SNX19: variants seen among roughly 807,000 people sequenced by gnomAD.
SNX19 encodes the protein sorting nexin-19.
Under a neutral mutation model 85.2 loss-of-function variants are expected in SNX19, and 60 were observed. That is an observed-to-expected ratio of 0.70 (90% CI 0.57 to 0.87). The LOEUF is 0.87. Ranked by LOEUF, SNX19 falls within the 40% of genes least tolerant of loss-of-function variation. The pLI, the probability that SNX19 is intolerant of heterozygous loss-of-function variation, is 0.00. For missense variants in SNX19, 1,201 were observed against 1,217.8 expected (o/e 0.99, Z 0.21); for synonymous variants, 520 against 470.0 (o/e 1.11, Z -1.38).
chr11:130,911,800 A>G (rs374816115), intron 1 of SNX19, 29 bp from the exon 2 acceptor site: 3 of 1,608,358 alleles, frequency 1.9e-6, no homozygotes, highest in African/African-American at 2.7e-5. Context: ...GATTGACTCA[A>G]TCAGCCGGGT....
intron 8 of SNX19, chr11:130,895,235 C>T: frequency 1.0e-6 from 1 of 985,432 alleles, no homozygotes; most frequent in Non-Finnish European, 1.2e-6. Context: ...CGTACCATGG[C>T]TCTGGGAATC....
chr11:130,908,897 C>T (rs1269128674), intron 4 of SNX19, among the ~76,000 whole-genome samples: 3 of 152,208 alleles, frequency 2.0e-5, no homozygotes, highest in Non-Finnish European at 4.4e-5. Flanking sequence ...CAGAGCAGCA[C>T]CATGCCTTCT....
intron 2 of SNX19, among the ~76,000 whole-genome samples, chr11:130,910,932 C>T (rs1157430321): frequency 1.3e-5 from 2 of 152,194 alleles, no homozygotes; most frequent in Admixed American, 6.5e-5. Context: ...TAGTAGCTCA[C>T]ATCTGTAATC....
chr11:130,873,898 A>C lies in SNX19; in HGVS notation c.*4524T>G, dbSNP rs1943119743. 6.6e-6 allele frequency among the ~76,000 whole-genome samples: 1 copy of C among 152,162 alleles called. No homozygotes were observed. The highest frequency in any genetic ancestry group is 1.5e-5 in the Non-Finnish European group (1 of 68,024). On this transcript the variant is annotated 3_prime_UTR_variant, in exon 11 of 11. Coordinates refer to ENST00000265909, the MANE Select transcript of SNX19 (RefSeq NM_014758.3). ...CATCAATTATTTCTGTAGATATCTG[A>C]CCTTCATGGAAGATGACCTCATCTC...
rs1016403444 is a variant in SNX19, at chr11:130,872,341, C to T, written c.*6081G>A. ...CTGCGGGTGCCCAAATTTCCCCCAC[C>T]GCTTCACGGTGGCCTTGGCTTTACA... On this transcript the variant is annotated 3_prime_UTR_variant, in exon 11 of 11. Coordinates refer to ENST00000265909, the MANE Select transcript of SNX19 (RefSeq NM_014758.3). 5.9e-5 allele frequency among the ~76,000 whole-genome samples: 9 copies of T among 152,234 alleles called. No homozygotes were observed. The highest frequency in any genetic ancestry group is 3.9e-4 in the East Asian group (2 of 5,182).
intron 1 of SNX19, among the ~76,000 whole-genome samples, chr11:130,912,895 G>C (rs1946248864): frequency 6.6e-6 from 1 of 152,112 alleles, no homozygotes; most frequent in Non-Finnish European, 1.5e-5. Flanking sequence ...TTTACTATCA[G>C]AAAGTATAAT....
rs191721659 is a variant in SNX19, at chr11:130,885,515, T to C, written c.2574-4709A>G. The stretch of plus-strand genomic sequence containing the variant: ...GTCTAATCCAATTAGCCAAATCCCC[T>C]TCATTTCTTTTCTAAGACAGCAGCT... On this transcript the variant is annotated intron_variant, in intron 8 of 10. Transcript: ENST00000265909. Among the ~76,000 whole-genome samples, 8 of 152,344 alleles carry C rather than the reference T, an allele frequency of 5.3e-5. No homozygotes were observed. The East Asian group carries it at 1.5e-3, about 29-fold the overall frequency.
intron 8 of SNX19, among the ~76,000 whole-genome samples, chr11:130,887,622 C>T (rs567639889): frequency 2.0e-5 from 3 of 152,312 alleles, no homozygotes; most frequent in South Asian, 4.2e-4. Context: ...CTTGCCAACC[C>T]AAATCGGCCT....
rs367568506 is a variant in SNX19, at chr11:130,915,160, G to T, written c.780C>A (p.Ile260=). ...LISRLSDPDW[I]HLVLVGIFSK... is the part of the protein sequence containing the mutation. ...AAAAGATACCCACGAGTACAAGGTG[G>T]ATCCAGTCAGGATCTGACAGCCTGC... Residue 260 remains isoleucine (I), a synonymous_variant, in exon 1 of 11, where the codon ATC becomes ATA. Transcript: ENST00000265909. 2 of 1,614,170 alleles carry T rather than the reference G, an allele frequency of 1.2e-6. No individual in the cohort carries two copies. The highest frequency in any genetic ancestry group is 1.3e-5 in the African/African-American group (1 of 75,054).
chr11:130,903,690 T>C (rs1945427716), intron 7 of SNX19, among the ~76,000 whole-genome samples: 1 of 138,416 alleles, frequency 7.2e-6, no homozygotes, highest in South Asian at 2.3e-4. Flanking sequence ...TATGTGTGTA[T>C]ATATACATAT....
intron 5 of SNX19, 139 bp downstream of exon 5, chr11:130,907,814 G>T: frequency 7.6e-7 from 1 of 1,315,858 alleles, no homozygotes; most frequent in Non-Finnish European, 1.0e-6. Context: ...GGAGCCTGGG[G>T]TCTAGCTTTG....
intron 5 of SNX19, 52 bp downstream of exon 5, chr11:130,907,901 G>T: frequency 6.2e-7 from 1 of 1,605,342 alleles, no homozygotes; most frequent in Non-Finnish European, 8.5e-7. Flanking sequence ...TGAGGATTGG[G>T]GATCAATTTG....
At chr11:130,904,710 T>TA (rs55739778) in intron 7 of SNX19, among the ~76,000 whole-genome samples, 9 of 151,634 alleles carry the variant, frequency 5.9e-5, no homozygotes, top group Admixed American at 1.3e-4. Context: ...TTTTGTTTTT[T>TA]ATAATCATAT....
At chr11:130,884,725 C>G (rs1943925943) in intron 8 of SNX19, among the ~76,000 whole-genome samples, 1 of 151,946 alleles carries the variant, frequency 6.6e-6, no homozygotes, top group Admixed American at 6.6e-5. Flanking sequence ...AAAAAATTAG[C>G]TGGGCACGGT....
Position 130,916,142 on chromosome 11 carries a change from G to GGT in SNX19, c.-204_-203insAC. The GGT allele has an allele frequency of 1.7e-6, 1 of 589,978 alleles. No homozygotes were observed. The highest frequency in any genetic ancestry group is 3.0e-6 in the Non-Finnish European group (1 of 332,612). 36.5% of individuals were successfully genotyped at this position (589,978 alleles called of 1,614,324 possible). ...CGTCTCCCCATGGCTACCACTAACAGAGCCCTCCAACTCGCCCCTTCCAGC... is the reference window on the plus strand; with the variant it reads ...CGTCTCCCCATGGCTACCACTAACAGGTAGCCCTCCAACTCGCCCCTTCCAGC... On this transcript the variant is annotated 5_prime_UTR_variant, in exon 1 of 11. Transcript: ENST00000265909.
chr11:130,904,002 T>C (rs553322432), intron 7 of SNX19, among the ~76,000 whole-genome samples: 16 of 152,314 alleles, frequency 1.1e-4, no homozygotes, highest in Middle Eastern at 3.4e-3. Context: ...TTCAGGAGGC[T>C]TCAGTCTGAT....
chr11:130,887,123 TTGACATTCTCCTAAA>T (rs1272161399), intron 8 of SNX19, among the ~76,000 whole-genome samples: 2 of 152,256 alleles, frequency 1.3e-5, no homozygotes, highest in East Asian at 3.8e-4. Context: ...AAGGGAAGAC[TTGACATTCTCCTAAA>T]TACCACAATA....
rs1434317880 is a variant in SNX19, at chr11:130,874,034, T to A, written c.*4388A>T. 1.3e-5 allele frequency among the ~76,000 whole-genome samples: 2 copies of A among 152,070 alleles called. No individual in the cohort carries two copies. The highest frequency in any genetic ancestry group is 2.9e-5 in the Non-Finnish European group (2 of 68,006). Reference sequence around the variant, plus strand: ...GTCATAAGAGGTTTTTTGTTTTTTTTTTTTTTATTTGGGGTCTCACTCTGT... The same window carrying A: ...GTCATAAGAGGTTTTTTGTTTTTTTATTTTTTATTTGGGGTCTCACTCTGT... On this transcript the variant is annotated 3_prime_UTR_variant, in exon 11 of 11. Coordinates refer to ENST00000265909, the MANE Select transcript of SNX19 (RefSeq NM_014758.3).
chr11:130,874,737 T>C lies in SNX19; in HGVS notation c.*3685A>G, dbSNP rs964025554. Among the ~76,000 whole-genome samples, 3 of 152,230 alleles carry C rather than the reference T, an allele frequency of 2.0e-5. No homozygotes were observed. The highest frequency in any genetic ancestry group is 7.2e-5 in the African/African-American group (3 of 41,468). ...CTATGAGCAAAGGAAGAGCAGTAGC[T>C]GGAAATGAATAACCTGGGTAGGACA... On this transcript the variant is annotated 3_prime_UTR_variant, in exon 11 of 11. Coordinates refer to ENST00000265909, the MANE Select transcript of SNX19 (RefSeq NM_014758.3).
Sources: gnomAD v4.1 joint callset for allele counts (sites outside exome capture counted in the v4.1 genomes callset) on GRCh38, gnomAD v4.1.1 for gene constraint, MANE v1.5 for transcripts, NCBI Gene and HGNC (gene_info 2026-07-23, HGNC 2026-07-21) for gene names.